TM9SF4: variants seen among roughly 807,000 people sequenced by gnomAD.
The protein encoded by TM9SF4 is dinucleotide oxidase disulfide thiol exchanger 3 superfamily member 4.
In TM9SF4, 26 loss-of-function variants were observed where a neutral mutation model predicts 90.4. The ratio of observed to expected loss-of-function variants is 0.29; its 90% CI spans 0.21 to 0.40. TM9SF4 has a LOEUF of 0.40. Among genes scored for constraint, TM9SF4 ranks in the 10% least tolerant of loss-of-function variants. TM9SF4 has a pLI of 1.00. For synonymous variants in TM9SF4, 293 were observed against 315.4 expected, an observed-to-expected ratio of 0.93 and a Z score of 0.75; for missense variants, 549 against 834.8, an observed-to-expected ratio of 0.66 and a Z score of 4.22.
intron 1 of TM9SF4, among the ~76,000 whole-genome samples, chr20:32,130,078 G>A (rs1263890019): frequency 6.6e-6 from 1 of 152,134 alleles, no homozygotes; most frequent in African/African-American, 2.4e-5. Context: ...AATGCCTATA[G>A]CCATGTGAAA....
intron 1 of TM9SF4, among the ~76,000 whole-genome samples, chr20:32,124,088 T>C (rs2046383650): frequency 6.6e-6 from 1 of 151,994 alleles, no homozygotes; most frequent in South Asian, 2.1e-4. Flanking sequence ...GTTCTCAAAC[T>C]CCCATCTGTC....
chr20:32,150,864 G>A lies in TM9SF4; in HGVS notation c.1234G>A (p.Gly412Arg), dbSNP rs1472872852. 1 of 1,614,226 alleles carries A rather than the reference G, an allele frequency of 6.2e-7. No homozygotes were observed. The highest frequency in any genetic ancestry group is 8.5e-7 in the Non-Finnish European group (1 of 1,180,044). The part of the protein sequence containing the change: ...RTLKGHRWKK[G>R]AFCTATLYPG... ...TTTAAAAGGCCATCGGTGGAAGAAAGGAGCCTTCTGTGTGAGTGTCCTAAA... is the reference window on the plus strand; with the variant it reads ...TTTAAAAGGCCATCGGTGGAAGAAAAGAGCCTTCTGTGTGAGTGTCCTAAA... Residue 412 changes from glycine (G) to arginine (R), a missense_variant, in exon 12 of 18, where the codon GGA (glycine) becomes AGA (arginine). Transcript: ENST00000398022.
At chr20:32,151,853 G>GT (rs1299258320) in intron 12 of TM9SF4, among the ~76,000 whole-genome samples, 1 of 144,548 alleles carries the variant, frequency 6.9e-6, no homozygotes, top group African/African-American at 2.6e-5. Flanking sequence ...GGCTAATTTT[G>GT]TTTTTTTGTT....
intron 7 of TM9SF4, 46 bp downstream of exon 7, chr20:32,145,255 C>T (rs199660977): frequency 2.5e-6 from 4 of 1,612,882 alleles, no homozygotes; most frequent in East Asian, 2.2e-5. Context: ...GGGCTCTGGT[C>T]TGTGTCAGGT....
intron 1 of TM9SF4, among the ~76,000 whole-genome samples, chr20:32,123,866 A>ATTTT (rs1165240152): frequency 2.9e-4 from 27 of 93,956 alleles, no homozygotes; most frequent in African/African-American, 6.8e-4. Context: ...ATATATATAT[A>ATTTT]TTTTTTTTTT....
rs745740671 is a variant in TM9SF4 at position 32,165,385 on chromosome 20, G to A, written c.1870G>A (p.Gly624Ser). 4.3e-6 allele frequency: 7 copies of A among 1,614,154 alleles called. No individual in the cohort carries two copies. The highest frequency in any genetic ancestry group is 4.5e-5 in the East Asian group (2 of 44,880). ...LSFWLLTGTI[G>S]FYAAYMFVRK... is the part of the protein sequence containing the mutation. ...CTTCTGGCTGCTAACGGGTACCATC[G>A]GCTTCTATGCAGCCTACATGTTTGT... The change falls in exon 18 of 18, where the codon GGC becomes AGC. Residue 624 changes from glycine (G) to serine (S), a missense_variant. Transcript: ENST00000398022.
chr20:32,130,012 T>C (rs1038785957), intron 1 of TM9SF4, among the ~76,000 whole-genome samples: 1 of 152,220 alleles, frequency 6.6e-6, no homozygotes, highest in Non-Finnish European at 1.5e-5. Flanking sequence ...TATGTACTTT[T>C]GGGGGACTTT....
intron 1 of TM9SF4, among the ~76,000 whole-genome samples, chr20:32,123,866 A>ATTTTTTTT (rs1165240152): frequency 3.2e-5 from 3 of 93,972 alleles, no homozygotes; most frequent in Admixed American, 1.2e-4. Flanking sequence ...ATATATATAT[A>ATTTTTTTT]TTTTTTTTTT....
chr20:32,126,900 A>G (rs1298772395), intron 1 of TM9SF4, among the ~76,000 whole-genome samples: 1 of 151,936 alleles, frequency 6.6e-6, no homozygotes, highest in African/African-American at 2.4e-5. Flanking sequence ...CACGCCGGCT[A>G]ATTTTTGTAT....
chr20:32,132,393 CAA>C (rs560104829), intron 1 of TM9SF4, among the ~76,000 whole-genome samples: 1 of 138,726 alleles, frequency 7.2e-6, no homozygotes, highest in African/African-American at 2.7e-5. Context: ...AACTCCGTCT[CAA>C]AAAAAAAAAA....
intron 1 of TM9SF4, among the ~76,000 whole-genome samples, chr20:32,121,870 C>T (rs1465638388): frequency 2.7e-5 from 4 of 146,960 alleles, no homozygotes; most frequent in East Asian, 4.1e-4. Flanking sequence ...GGCGGCTGGC[C>T]GGGCGGGGGG....
chr20:32,164,097 A>G (rs777717917), intron 17 of TM9SF4, among the ~76,000 whole-genome samples: 29 of 151,946 alleles, frequency 1.9e-4, no homozygotes, highest in Non-Finnish European at 3.4e-4. Context: ...TCCAGCCCCA[A>G]TGCCTTATGT....
At chr20:32,141,941 C>T (rs759422725) in intron 5 of TM9SF4, 46 bp downstream of exon 5, 112 of 1,611,000 alleles carry the variant, frequency 7.0e-5, no homozygotes, top group Middle Eastern at 1.6e-4. Context: ...CCACACCTCA[C>T]GAGTCCTGAG....
At chr20:32,115,806 G>GT (rs1243268586) in intron 1 of TM9SF4, among the ~76,000 whole-genome samples, 30,985 of 104,868 alleles carry the variant, frequency 0.3, 6,002 homozygotes, top group East Asian at 0.66. Context: ...ACCACTTTAA[G>GT]CTTTTTTTTT....
At chr20:32,123,866 A>ATATATATATATATATATATTTTT in intron 1 of TM9SF4, among the ~76,000 whole-genome samples, 6 of 93,940 alleles carry the variant, frequency 6.4e-5, no homozygotes, top group African/African-American at 2.7e-4. Context: ...ATATATATAT[A>ATATATATATATATATATATTTTT]TTTTTTTTTT....
chr20:32,138,341 T>A (rs777711721), intron 3 of TM9SF4, among the ~76,000 whole-genome samples: 1 of 152,180 alleles, frequency 6.6e-6, no homozygotes, highest in Non-Finnish European at 1.5e-5. Flanking sequence ...AGTACTTCCA[T>A]GTATAAAATG....
chr20:32,165,516 C>G lies in TM9SF4; in HGVS notation c.*72C>G, dbSNP rs547530739. 5 of 1,557,738 alleles carry G rather than the reference C, an allele frequency of 3.2e-6. No homozygotes were observed. Among genetic ancestry groups the G allele is most frequent in the African/African-American group, 1.4e-5 (1 of 73,574 alleles). ...CACCCTGCGTGGGGGACTGCAGGCACGCAAAATAAAATAACTCCTGCTCGT... is the reference window on the plus strand; with the variant it reads ...CACCCTGCGTGGGGGACTGCAGGCAGGCAAAATAAAATAACTCCTGCTCGT... On this transcript the variant is annotated 3_prime_UTR_variant, in exon 18 of 18. Coordinates refer to ENST00000398022, the MANE Select transcript of TM9SF4 (RefSeq NM_014742.4).
chr20:32,155,830 C>A (rs2046911487), intron 13 of TM9SF4, among the ~76,000 whole-genome samples: 1 of 152,176 alleles, frequency 6.6e-6, no homozygotes, highest in South Asian at 2.1e-4. Context: ...CGGTAAAGGT[C>A]CTTGCATGAG....
At chr20:32,123,858 A>ATT (rs1380007761) in intron 1 of TM9SF4, among the ~76,000 whole-genome samples, 2 of 56,858 alleles carry the variant, frequency 3.5e-5, no homozygotes, top group African/African-American at 2.3e-4. Flanking sequence ...ATATATATAT[A>ATT]TATATATATT....
Sources: allele counts gnomAD v4.1 joint callset (sites outside exome capture counted in the v4.1 genomes callset), GRCh38; gene constraint gnomAD v4.1.1; transcripts MANE v1.5; gene names NCBI Gene and HGNC (gene_info 2026-07-23, HGNC 2026-07-21).